Variants in NUP35 observed in about 807,000 individuals in gnomAD.
The protein encoded by NUP35 is nucleoporin 35.
A neutral mutation model predicts 41.5 loss-of-function variants in NUP35; 25 were observed. That is an observed-to-expected ratio of 0.60 (90% CI 0.44 to 0.84). NUP35 has a LOEUF of 0.84. Ranked by LOEUF, NUP35 falls within the 40% of genes least tolerant of loss-of-function variation. The pLI, the probability that NUP35 is intolerant of heterozygous loss-of-function variation, is 0.00. For missense variants in NUP35, 396 were observed against 396.6 expected, an observed-to-expected ratio of 1.00 and a Z score of 0.01; for synonymous variants, 149 against 130.7, an observed-to-expected ratio of 1.14 and a Z score of -0.96.
chr2:183,124,138 T>C (rs900198832), upstream of NUP35, among the ~76,000 whole-genome samples: 2 of 152,200 alleles, frequency 1.3e-5, no homozygotes, highest in African/African-American at 4.8e-5. Context: ...ACGCTAATTA[T>C]GAAACCGTGA....
intron 1 of NUP35, among the ~76,000 whole-genome samples, chr2:183,126,036 TCTCCCTCC>T (rs1265089821): frequency 6.6e-6 from 1 of 152,016 alleles, no homozygotes; most frequent in Non-Finnish European, 1.5e-5. Context: ...TTCTTCCCTC[TCTCCCTCC>T]CTCCCTTCCT....
chr2:183,159,752 C>T lies in NUP35; in HGVS notation c.903+100C>T. On this transcript the variant is annotated intron_variant, in intron 8 of 8. Transcript: ENST00000295119. ...TTGATTTGTATGCCATTAAATGTTTCCTGTGGAGGCTATTACCTTGATGAA... is the reference window on the plus strand; with the variant it reads ...TTGATTTGTATGCCATTAAATGTTTTCTGTGGAGGCTATTACCTTGATGAA... 6 of 914,728 alleles carry T rather than the reference C, an allele frequency of 6.6e-6. No homozygotes were observed. In the South Asian group the frequency reaches 8.1e-5, roughly 12 times the overall value. The allele number at this position is 914,728 out of a possible 1,614,324, so 56.7% of individuals were successfully genotyped here.
intron 4 of NUP35, among the ~76,000 whole-genome samples, chr2:183,148,506 T>TA (rs1559152425): frequency 2.0e-5 from 3 of 152,168 alleles, no homozygotes; most frequent in Non-Finnish European, 4.4e-5. Context: ...CTGACTAGGG[T>TA]AAGGTGATGA....
intron 2 of NUP35, among the ~76,000 whole-genome samples, chr2:183,130,182 C>T (rs1684646450): frequency 6.6e-6 from 1 of 152,164 alleles, no homozygotes; most frequent in South Asian, 2.1e-4. Flanking sequence ...GTCTATGGAT[C>T]AGCAGCATTG....
upstream of NUP35, among the ~76,000 whole-genome samples, chr2:183,123,214 A>G (rs1700094485): frequency 6.6e-6 from 1 of 152,152 alleles, no homozygotes; most frequent in South Asian, 2.1e-4. Context: ...TACAATACTC[A>G]TTTTGGATTT....
chr2:183,126,643 T>G (rs78655799), intron 1 of NUP35, among the ~76,000 whole-genome samples: 2 of 35,454 alleles, frequency 5.6e-5, no homozygotes, highest in Non-Finnish European at 1.2e-4. Flanking sequence ...ATTGAATTTG[T>G]TTTTTTTTTT....
At chr2:183,121,800 C>G (rs977677662), upstream of NUP35, among the ~76,000 whole-genome samples, 3 of 151,810 alleles carry the variant, frequency 2.0e-5, no homozygotes, top group Non-Finnish European at 4.4e-5. Flanking sequence ...TCACTGCACT[C>G]CAGCCTGGTG....
At chr2:183,134,764 C>T (rs901683179) in intron 4 of NUP35, among the ~76,000 whole-genome samples, 8 of 150,926 alleles carry the variant, frequency 5.3e-5, no homozygotes, top group Admixed American at 1.3e-4. Flanking sequence ...TACAGGTGCT[C>T]GCCACTGCGC....
chr2:183,152,354 C>A (rs1685501500), intron 5 of NUP35, among the ~76,000 whole-genome samples: 3 of 152,190 alleles, frequency 2.0e-5, no homozygotes, highest in African/African-American at 7.2e-5. Context: ...AAGTTCTTTA[C>A]ATGATTCGTG....
intron 2 of NUP35, among the ~76,000 whole-genome samples, chr2:183,129,033 G>A (rs991891597): frequency 6.6e-6 from 1 of 152,132 alleles, no homozygotes; most frequent in Non-Finnish European, 1.5e-5. Flanking sequence ...GGGGAAGAGT[G>A]CCTCACAGAG....
chr2:183,128,799 T>C (rs1439051642), intron 2 of NUP35, among the ~76,000 whole-genome samples: 1 of 152,156 alleles, frequency 6.6e-6, no homozygotes, highest in Non-Finnish European at 1.5e-5. Context: ...AATTAAGCAA[T>C]GTGTCTATTA....
At chr2:183,141,862 T>G (rs1369426660) in intron 4 of NUP35, among the ~76,000 whole-genome samples, 2 of 152,230 alleles carry the variant, frequency 1.3e-5, no homozygotes, top group African/African-American at 4.8e-5. Context: ...GTTTGTAGTG[T>G]TGAGTTCTTT....
chr2:183,146,227 C>T (rs1201879261), intron 4 of NUP35, among the ~76,000 whole-genome samples: 2 of 151,832 alleles, frequency 1.3e-5, no homozygotes, highest in East Asian at 3.9e-4. Flanking sequence ...TAGAGTGAGA[C>T]TCTGTCTCAA....
intron 8 of NUP35, 134 bp downstream of exon 8, chr2:183,159,786 G>A: frequency 5.0e-6 from 3 of 596,516 alleles, no homozygotes; most frequent in Non-Finnish European, 2.7e-6. Context: ...AAACCTTTAC[G>A]CTTTAAAAGT....
chr2:183,149,830 C>G (rs1685402336), intron 4 of NUP35, among the ~76,000 whole-genome samples: 1 of 152,082 alleles, frequency 6.6e-6, no homozygotes, highest in Non-Finnish European at 1.5e-5. Flanking sequence ...CTAATTGGAC[C>G]TTTTGTAGGA....
chr2:183,125,293 G>A (rs532061071), intron 1 of NUP35, among the ~76,000 whole-genome samples: 1 of 151,892 alleles, frequency 6.6e-6, no homozygotes, highest in African/African-American at 2.4e-5. Flanking sequence ...TTCCTGCTGA[G>A]TTTTGCGACT....
At chr2:183,155,467 G>A (rs1256187393) in intron 5 of NUP35, among the ~76,000 whole-genome samples, 1 of 151,914 alleles carries the variant, frequency 6.6e-6, no homozygotes, top group Admixed American at 6.6e-5. Flanking sequence ...ATTGCATTCC[G>A]TTGTTCTCTA....
Position 183,159,495 on chromosome 2 carries a change from T to G in NUP35, c.746T>G (p.Met249Arg). The G allele has an allele frequency of 6.2e-7, 1 of 1,613,098 alleles. No individual in the cohort carries two copies. Among genetic ancestry groups the G allele is most frequent in the Non-Finnish European group, 8.5e-7 (1 of 1,179,438 alleles). The change falls in exon 8 of 9, where the codon ATG becomes AGG. Residue 249 changes from methionine to arginine, a missense_variant. By Grantham distance (91) the Met-to-Arg change is moderately conservative (BLOSUM62 -1). Coordinates refer to ENST00000295119, the MANE Select transcript of NUP35 (RefSeq NM_138285.5). ...ATTTCTTTGTTTCTCCAGAGTGTTA[T>G]GGAAAGCAGTGACAGATGTGCTTTA... ...GVKPCIDKSV[M>R]ESSDRCALSS...
At chr2:183,126,205 T>G (rs1212634697) in intron 1 of NUP35, among the ~76,000 whole-genome samples, 1 of 152,188 alleles carries the variant, frequency 6.6e-6, no homozygotes, top group African/African-American at 2.4e-5. Context: ...CTACTTATTG[T>G]ATTTTTGGTA....
Sources: gnomAD v4.1 joint callset for allele counts (sites outside exome capture counted in the v4.1 genomes callset) on GRCh38, gnomAD v4.1.1 for gene constraint, MANE v1.5 for transcripts, NCBI Gene and HGNC (gene_info 2026-07-23, HGNC 2026-07-21) for gene names.